Variants in ASIC2 observed in about 807,000 individuals in gnomAD.
The protein encoded by ASIC2 is acid-sensing ion channel 2.
Under a neutral mutation model 57.3 loss-of-function variants are expected in ASIC2, and 25 were observed. The observed-to-expected ratio is 0.44, with a 90% CI of 0.32 to 0.61. The LOEUF (loss-of-function observed/expected upper bound fraction) is 0.61, where lower values mean the gene tolerates loss of function less well. Among genes scored for constraint, ASIC2 ranks in the 20% least tolerant of loss-of-function variants. The pLI, the probability that ASIC2 is intolerant of heterozygous loss-of-function variation, is 0.06. For missense variants in ASIC2, 641 were observed against 738.1 expected, an observed-to-expected ratio of 0.87 and a Z score of 1.52; for synonymous variants, 319 against 307.5, an observed-to-expected ratio of 1.04 and a Z score of -0.39.
At chr17:33,406,857 G>A (rs552790404) in intron 1 of ASIC2, among the ~76,000 whole-genome samples, 1 of 152,344 alleles carries the variant, frequency 6.6e-6, no homozygotes, top group African/African-American at 2.4e-5. Context: ...TCAGGAAACT[G>A]TATTTGCAGA....
At position 33,058,994 on chromosome 17, in the gene ASIC2, G is replaced by A. The variant is rs2092009945; in HGVS notation, c.987+29869C>T. 3.3e-5 allele frequency among the ~76,000 whole-genome samples: 5 copies of A among 152,198 alleles called. No homozygotes were observed. In the South Asian group the frequency reaches 1.0e-3, roughly 32 times the overall value. On this transcript the variant is annotated intron_variant, in intron 3 of 9. Transcript: ENST00000225823. ...GGAGAGTACGTTGGATCAAGGAAAT[G>A]ACACTTCCAACATAATGTTGAACAG...
intron 1 of ASIC2, among the ~76,000 whole-genome samples, chr17:33,423,880 A>G (rs1265073246): frequency 3.3e-5 from 5 of 152,214 alleles, no homozygotes; most frequent in Non-Finnish European, 7.3e-5. Context: ...AAGAAGGTTC[A>G]GGATGCTTAG....
intron 1 of ASIC2, chr17:34,006,662 G>A (rs1035786254): frequency 2.2e-4 from 33 of 151,868 alleles, no homozygotes; most frequent in African/African-American, 7.5e-4. Flanking sequence ...ATATTCATGG[G>A]GAACAATGTG....
At chr17:33,163,468 A>G (rs916112795) in intron 1 of ASIC2, among the ~76,000 whole-genome samples, 1 of 151,370 alleles carries the variant, frequency 6.6e-6, no homozygotes, top group African/African-American at 2.4e-5. Context: ...CCCTTACCCA[A>G]TGTCATCTAC....
intron 1 of ASIC2, among the ~76,000 whole-genome samples, chr17:33,404,698 T>C (rs1447399753): frequency 1.3e-5 from 2 of 152,172 alleles, no homozygotes; most frequent in Non-Finnish European, 2.9e-5. Flanking sequence ...GCTGTGGAAA[T>C]CCCAGAGAGC....
chr17:34,111,603 T>C (rs190661026), intron 1 of ASIC2, among the ~76,000 whole-genome samples: 164 of 152,310 alleles, frequency 1.1e-3, no homozygotes, highest in African/African-American at 3.5e-3. Flanking sequence ...TTGACACTTA[T>C]TGTTTTTGAT....
intron 1 of ASIC2, among the ~76,000 whole-genome samples, chr17:33,211,410 G>A (rs963954824): frequency 9.2e-5 from 14 of 152,020 alleles, no homozygotes; most frequent in African/African-American, 3.4e-4. Context: ...AAAGCTGGTC[G>A]TTAAACATTA....
At chr17:33,971,373 T>A (rs1820960200) in intron 1 of ASIC2, among the ~76,000 whole-genome samples, 1 of 152,162 alleles carries the variant, frequency 6.6e-6, no homozygotes, top group South Asian at 2.1e-4. Context: ...ATTTGGCACC[T>A]GGAGAAGAGC....
chr17:34,107,754 T>C (rs1228077909), intron 1 of ASIC2, among the ~76,000 whole-genome samples: 1 of 152,236 alleles, frequency 6.6e-6, no homozygotes, highest in African/African-American at 2.4e-5. Context: ...GTTATGGTAT[T>C]AATTTGAAAT....
At chr17:33,093,411 C>T (rs971527781) in intron 2 of ASIC2, among the ~76,000 whole-genome samples, 3 of 151,522 alleles carry the variant, frequency 2.0e-5, no homozygotes, top group Non-Finnish European at 2.9e-5. Flanking sequence ...TCATGAACAC[C>T]AGGATTCAAG....
At chr17:33,305,557 G>A (rs1294219687) in intron 1 of ASIC2, among the ~76,000 whole-genome samples, 1 of 152,140 alleles carries the variant, frequency 6.6e-6, no homozygotes, top group Non-Finnish European at 1.5e-5. Flanking sequence ...ACATAAAAAA[G>A]ATGTTTAAAA....
At chr17:33,599,072 C>T (rs573666684) in intron 1 of ASIC2, among the ~76,000 whole-genome samples, 62 of 152,342 alleles carry the variant, frequency 4.1e-4, no homozygotes, top group Admixed American at 2.9e-3. Flanking sequence ...GGACAAGCAT[C>T]CTTCTCTGTA....
chr17:33,069,152 T>C (rs560335521), intron 3 of ASIC2, among the ~76,000 whole-genome samples: 3 of 152,348 alleles, frequency 2.0e-5, no homozygotes, highest in East Asian at 3.9e-4. Flanking sequence ...TTTCCAGCTA[T>C]CTTTCTGTTA....
At chr17:33,839,982 C>T (rs1430599044) in intron 1 of ASIC2, among the ~76,000 whole-genome samples, 3 of 152,222 alleles carry the variant, frequency 2.0e-5, no homozygotes, top group Non-Finnish European at 4.4e-5. Flanking sequence ...GGATAGGTTG[C>T]TATTTCCTGC....
chr17:33,061,666 G>T (rs1482873088), intron 3 of ASIC2, among the ~76,000 whole-genome samples: 1 of 152,196 alleles, frequency 6.6e-6, no homozygotes, highest in Non-Finnish European at 1.5e-5. Context: ...TCAGGATGAT[G>T]CTGGCCTCAT....
chr17:33,088,017 C>T (rs1358673671), intron 3 of ASIC2, among the ~76,000 whole-genome samples: 1 of 152,110 alleles, frequency 6.6e-6, no homozygotes, highest in African/African-American at 2.4e-5. Context: ...CATGGTTCTC[C>T]CTGAGTCTCC....
At chr17:34,101,665 A>T (rs1460483893) in intron 1 of ASIC2, among the ~76,000 whole-genome samples, 1 of 152,222 alleles carries the variant, frequency 6.6e-6, no homozygotes. Flanking sequence ...TTCCATGATT[A>T]TTTTTGTTAA....
intron 1 of ASIC2, among the ~76,000 whole-genome samples, chr17:33,925,287 C>T (rs185859208): frequency 2.0e-4 from 30 of 152,326 alleles, no homozygotes; most frequent in Admixed American, 4.6e-4. Flanking sequence ...AGAATATAAG[C>T]GCAAAATGCA....
intron 1 of ASIC2, among the ~76,000 whole-genome samples, chr17:33,150,044 T>C (rs1904723327): frequency 6.6e-6 from 1 of 152,248 alleles, no homozygotes; most frequent in African/African-American, 2.4e-5. Context: ...TTCTGAAAGC[T>C]GTGACAGCTC....
Sources: gnomAD v4.1 joint callset for allele counts (sites outside exome capture counted in the v4.1 genomes callset) on GRCh38, gnomAD v4.1.1 for gene constraint, MANE v1.5 for transcripts, NCBI Gene and HGNC (gene_info 2026-07-23, HGNC 2026-07-21) for gene names.